The following GLP2R variants were observed in gnomAD, a reference collection of about 807,000 sequenced individuals.
GLP2R encodes glucagon-like peptide 2 receptor.
Under a neutral mutation model 68.2 loss-of-function variants are expected in GLP2R, and 59 were observed. That is an observed-to-expected ratio of 0.87 (90% CI 0.70 to 1.07). The LOEUF is 1.07. Among genes scored for constraint, GLP2R ranks in the 50% least tolerant of loss-of-function variants. The probability of loss-of-function intolerance (pLI) is 0.00; values close to 1 mark genes in which losing one functional copy is unlikely to be tolerated. For missense variants in GLP2R, 548 were observed against 677.4 expected (o/e 0.81, Z 2.12); for synonymous variants, 270 against 265.4 (o/e 1.02, Z -0.17).
intron 4 of GLP2R, among the ~76,000 whole-genome samples, chr17:9,843,805 C>T (rs554613983): frequency 6.6e-5 from 10 of 152,300 alleles, no homozygotes; most frequent in Admixed American, 2.0e-4. Context: ...TCTTTCATTC[C>T]GATGGTCAGG....
chr17:9,840,494 T>G (rs2066776492), intron 3 of GLP2R, among the ~76,000 whole-genome samples: 1 of 152,258 alleles, frequency 6.6e-6, no homozygotes, highest in African/African-American at 2.4e-5. Context: ...TTGTATGCCA[T>G]GCATTATTTT....
intron 4 of GLP2R, among the ~76,000 whole-genome samples, chr17:9,846,345 G>A (rs9895131): frequency 0.097 from 14,720 of 152,244 alleles, 771 homozygotes; most frequent in Middle Eastern, 0.17. Flanking sequence ...GCCAGCTGCA[G>A]TAGCTCAGGC....
chr17:9,833,456 A>T (rs1350077829), intron 1 of GLP2R, among the ~76,000 whole-genome samples: 1 of 152,216 alleles, frequency 6.6e-6, no homozygotes, highest in Admixed American at 6.5e-5. Context: ...TCTTAGTGTG[A>T]TGCGTCTCTC....
At chr17:9,874,562 C>T (rs1408867186) in intron 10 of GLP2R, among the ~76,000 whole-genome samples, 1 of 152,084 alleles carries the variant, frequency 6.6e-6, no homozygotes, top group East Asian at 1.9e-4. Flanking sequence ...GGGTGAGATG[C>T]CTCACCTTGG....
intron 11 of GLP2R, among the ~76,000 whole-genome samples, chr17:9,887,703 T>C (rs914946885): frequency 1.3e-5 from 2 of 152,204 alleles, no homozygotes; most frequent in African/African-American, 2.4e-5. Flanking sequence ...TAGGCTGATA[T>C]AGGCGGAGCA....
intron 10 of GLP2R, among the ~76,000 whole-genome samples, chr17:9,877,430 G>A (rs991314684): frequency 2.0e-5 from 3 of 152,112 alleles, no homozygotes; most frequent in African/African-American, 7.2e-5. Flanking sequence ...TTAAAAAATT[G>A]TTATTCTTTA....
chr17:9,882,595 C>T (rs62067561), intron 11 of GLP2R, among the ~76,000 whole-genome samples: 40,603 of 152,060 alleles, frequency 0.27, 5,783 homozygotes, highest in Non-Finnish European at 0.31. Context: ...GGGAAGGCTT[C>T]AAACTGAACT....
intron 9 of GLP2R, among the ~76,000 whole-genome samples, chr17:9,864,486 TTTTGTTTG>T (rs371335549): frequency 0.21 from 31,350 of 149,916 alleles, 4,217 homozygotes; most frequent in Non-Finnish European, 0.31. Context: ...TTTTCTGTTT[TTTTGTTTG>T]TTTGTTTGTT....
At chr17:9,842,360 A>T in intron 3 of GLP2R, 135 bp from the exon 4 acceptor site, 2 of 999,540 alleles carry the variant, frequency 2.0e-6, no homozygotes, top group South Asian at 3.3e-5. Context: ...CCAAATAAAC[A>T]GTGAGGATGT....
chr17:9,849,607 C>CTTTTTTTTTTTTTTTTTTT (rs57795068), intron 4 of GLP2R, among the ~76,000 whole-genome samples: 1 of 87,120 alleles, frequency 1.1e-5, no homozygotes, highest in Non-Finnish European at 2.0e-5. Flanking sequence ...TTTTCTCTTT[C>CTTTTTTTTTTTTTTTTTTT]TTTTTTTTTT....
chr17:9,862,212 G>A, intron 9 of GLP2R, 122 bp downstream of exon 9: 1 of 719,928 alleles, frequency 1.4e-6, no homozygotes, highest in Non-Finnish European at 2.5e-6. Context: ...GCTGAACTAT[G>A]AGCATTTTCT....
chr17:9,886,478 C>T (rs2067245097), intron 11 of GLP2R, among the ~76,000 whole-genome samples: 1 of 152,188 alleles, frequency 6.6e-6, no homozygotes, highest in Non-Finnish European at 1.5e-5. Context: ...ATCCTGGCAC[C>T]CTAAAAGCCA....
At position 9,890,134 on chromosome 17, in the gene GLP2R, T is replaced by G; in HGVS notation, c.*429T>G. ...AGGAAGCTTTTAAAATGCAGAATCC[T>G]AGACTTGTGGCTAAGATTCTAAGAC... On this transcript the variant is annotated 3_prime_UTR_variant, in exon 13 of 13. Coordinates refer to ENST00000262441, the MANE Select transcript of GLP2R (RefSeq NM_004246.3). The G allele has an allele frequency of 2.2e-6, 1 of 446,326 alleles. No individual in the cohort carries two copies. The highest frequency in any genetic ancestry group is 4.5e-6 in the Non-Finnish European group (1 of 223,272). The allele number at this position is 446,326 out of a possible 1,614,324, so 27.6% of individuals were successfully genotyped here. A position where few individuals can be genotyped will look rare whatever the true frequency, so the allele number is the denominator to read the frequency against.
At chr17:9,865,015 C>G (rs2067021959) in intron 9 of GLP2R, among the ~76,000 whole-genome samples, 1 of 152,168 alleles carries the variant, frequency 6.6e-6, no homozygotes, top group African/African-American at 2.4e-5. Context: ...GCTTCTGTGA[C>G]TCCAGTCATG....
At chr17:9,861,338 G>A in intron 8 of GLP2R, 139 bp downstream of exon 8, 2 of 633,736 alleles carry the variant, frequency 3.2e-6, no homozygotes, top group Non-Finnish European at 2.9e-6. Context: ...TTAGGAATGG[G>A]AGATAAAATA....
At chr17:9,873,230 T>G (rs564882198) in intron 10 of GLP2R, among the ~76,000 whole-genome samples, 9 of 152,158 alleles carry the variant, frequency 5.9e-5, no homozygotes, top group East Asian at 3.9e-4. Context: ...GGCTAGTGTT[T>G]CCAGGAGACA....
rs542006571 is a variant in GLP2R, at chr17:9,890,475, C to T, written c.*770C>T. ...CTGCACAGCAGGAGTTCTGCTTGAT[C>T]CTCCCTTTGAGGATTGGCCCCAGTG... is the stretch of plus-strand genomic sequence containing the variant. On this transcript the variant is annotated 3_prime_UTR_variant, in exon 13 of 13. Transcript: ENST00000262441. 114 of 161,924 alleles carry T rather than the reference C, an allele frequency of 7.0e-4. No homozygotes were observed. In the South Asian group the frequency reaches 0.013, roughly 19 times the overall value. The allele number at this position is 161,924 out of a possible 1,614,324, so 10.0% of individuals were successfully genotyped here. A position where few individuals can be genotyped will look rare whatever the true frequency, so the allele number is the denominator to read the frequency against.
At position 9,890,126 on chromosome 17, in the gene GLP2R, CAGAATCCT is replaced by C. The variant is rs2067279184; in HGVS notation, c.*425_*432del. Reference sequence around the variant, plus strand: ...AACCTCCTAGGAAGCTTTTAAAATGCAGAATCCTAGACTTGTGGCTAAGATTCTAAGAC... The same window carrying C: ...AACCTCCTAGGAAGCTTTTAAAATGCAGACTTGTGGCTAAGATTCTAAGAC... On this transcript the variant is annotated 3_prime_UTR_variant, in exon 13 of 13. Transcript: ENST00000262441. The C allele has an allele frequency of 2.2e-6, 1 of 451,618 alleles. No individual in the cohort carries two copies. Among genetic ancestry groups the C allele is most frequent in the African/African-American group, 2.0e-5 (1 of 49,704 alleles). The allele number at this position is 451,618 out of a possible 1,614,324, so 28.0% of individuals were successfully genotyped here.
intron 9 of GLP2R, among the ~76,000 whole-genome samples, chr17:9,869,076 G>A (rs559157708): frequency 6.6e-6 from 1 of 152,224 alleles, no homozygotes; most frequent in African/African-American, 2.4e-5. Flanking sequence ...CAATAACAAA[G>A]ATCATTTGAC....
Sources: allele counts gnomAD v4.1 joint callset (sites outside exome capture counted in the v4.1 genomes callset), GRCh38; gene constraint gnomAD v4.1.1; transcripts MANE v1.5; gene names NCBI Gene and HGNC (gene_info 2026-07-23, HGNC 2026-07-21).